The following ATP2A2 variants were observed in gnomAD, a reference collection of about 807,000 sequenced individuals.
The protein encoded by ATP2A2 is sarcoplasmic/endoplasmic reticulum calcium ATPase 2.
In ATP2A2, 14 loss-of-function variants were observed where a neutral mutation model predicts 109.3. That is an observed-to-expected ratio of 0.13 (90% CI 0.08 to 0.20). ATP2A2 has a LOEUF of 0.20. Ranked by LOEUF, ATP2A2 falls within the 10% of genes least tolerant of loss-of-function variation. The pLI, the probability that ATP2A2 is intolerant of heterozygous loss-of-function variation, is 1.00. For synonymous variants in ATP2A2, 506 were observed against 490.9 expected (o/e 1.03, Z -0.41); for missense variants, 657 against 1,321.6 (o/e 0.50, Z 7.80).
At chr12:110,291,395 G>A (rs1411448332) in intron 3 of ATP2A2, among the ~76,000 whole-genome samples, 2 of 148,588 alleles carry the variant, frequency 1.3e-5, no homozygotes. Flanking sequence ...TAGTAGAGAC[G>A]GGGTTTCGCC....
chr12:110,335,373 C>T (rs1878745326), intron 11 of ATP2A2, among the ~76,000 whole-genome samples: 1 of 152,208 alleles, frequency 6.6e-6, no homozygotes, highest in African/African-American at 2.4e-5. Context: ...AGCTTAAGAA[C>T]TTGAAGTGGA....
At chr12:110,337,466 AAC>A (rs2137844557) in intron 11 of ATP2A2, among the ~76,000 whole-genome samples, 1 of 152,304 alleles carries the variant, frequency 6.6e-6, no homozygotes, top group African/African-American at 2.4e-5. Context: ...ATTGAAACTA[AAC>A]ACACGTGTGA....
intron 5 of ATP2A2, among the ~76,000 whole-genome samples, chr12:110,307,370 T>C (rs1875475299): frequency 6.6e-6 from 1 of 151,988 alleles, no homozygotes; most frequent in Non-Finnish European, 1.5e-5. Context: ...TAGCTGGGAC[T>C]GTAGGCACAC....
intron 16 of ATP2A2, among the ~76,000 whole-genome samples, chr12:110,343,844 A>G (rs1334371490): frequency 2.6e-5 from 4 of 152,178 alleles, no homozygotes; most frequent in East Asian, 1.9e-4. Flanking sequence ...TCCCTTTTAT[A>G]TATAAATCAT....
intron 3 of ATP2A2, among the ~76,000 whole-genome samples, chr12:110,289,126 G>A (rs186710142): frequency 3.9e-4 from 60 of 152,290 alleles, no homozygotes; most frequent in Admixed American, 1.8e-3. Context: ...GCTATCAGGG[G>A]ATGTTGCTTT....
intron 4 of ATP2A2, among the ~76,000 whole-genome samples, chr12:110,293,155 G>T (rs1295023540): frequency 2.0e-5 from 3 of 151,998 alleles, no homozygotes; most frequent in African/African-American, 7.2e-5. Flanking sequence ...TCGGCTCACT[G>T]CAACCTCCGC....
In ATP2A2 at chr12:110,347,043, CA is replaced by C; in HGVS notation, c.*574del. On this transcript the variant is annotated 3_prime_UTR_variant, in exon 20 of 20. Coordinates refer to ENST00000539276, the MANE Select transcript of ATP2A2 (RefSeq NM_170665.4). ...CACCCCACCCCACCCCACCTCTCCC[CA>C]CCTTACCCCCGCCCCGCTTGGCTTC... 1 of 1,078,480 alleles carries C rather than the reference CA, an allele frequency of 9.3e-7. No individual in the cohort carries two copies. 66.8% of individuals were successfully genotyped at this position (1,078,480 alleles called of 1,614,324 possible).
Position 110,292,095 on chromosome 12 carries a change from G to C in ATP2A2, c.295G>C (p.Val99Leu). The C allele has an allele frequency of 6.2e-7, 1 of 1,614,154 alleles. No homozygotes were observed. Among genetic ancestry groups the C allele is most frequent in the Non-Finnish European group, 8.5e-7 (1 of 1,180,022 alleles). The change falls in exon 4 of 20, where the codon GTA (valine) becomes CTA (leucine). Residue 99 changes from valine to leucine, a missense_variant. By Grantham distance (32) the Val-to-Leu change is conservative (BLOSUM62 1). Coordinates refer to ENST00000539276, the MANE Select transcript of ATP2A2 (RefSeq NM_170665.4). ...VEPFVILLIL[V>L]ANAIVGVWQE... is the part of the protein sequence containing the mutation. The stretch of plus-strand genomic sequence containing the variant: ...ACCTTTTGTAATTTTACTCATATTA[G>C]TAGCCAATGCAATTGTGGGTGTATG...
intron 1 of ATP2A2, among the ~76,000 whole-genome samples, 200 bp from the exon 2 acceptor site, chr12:110,282,404 A>G (rs998018015): frequency 5.9e-5 from 9 of 152,198 alleles, no homozygotes; most frequent in African/African-American, 1.4e-4. Flanking sequence ...CAAAGAGTGC[A>G]TGCTTCCTTG....
At chr12:110,317,781 G>A (rs962630402) in intron 5 of ATP2A2, among the ~76,000 whole-genome samples, 6 of 152,140 alleles carry the variant, frequency 3.9e-5, no homozygotes, top group African/African-American at 1.2e-4. Context: ...GTTCTAAAAC[G>A]TGGCAAACTG....
chr12:110,298,987 G>A (rs551712542), intron 5 of ATP2A2, among the ~76,000 whole-genome samples: 1 of 152,168 alleles, frequency 6.6e-6, no homozygotes, highest in East Asian at 1.9e-4. Context: ...TTGATGAGGG[G>A]AAGACAGGGT....
At chr12:110,323,472 A>G (rs1877453861) in intron 6 of ATP2A2, among the ~76,000 whole-genome samples, 1 of 152,180 alleles carries the variant, frequency 6.6e-6, no homozygotes, top group Non-Finnish European at 1.5e-5. Context: ...GGCGTGAACC[A>G]CTGCACCTGG....
At chr12:110,307,911 T>C (rs973978066) in intron 5 of ATP2A2, among the ~76,000 whole-genome samples, 2 of 152,252 alleles carry the variant, frequency 1.3e-5, no homozygotes, top group Non-Finnish European at 2.9e-5. Context: ...TCATAAATTC[T>C]TTGCTTAGGG....
chr12:110,346,489 G>GA lies in ATP2A2; in HGVS notation c.*21dup, dbSNP rs1368173362. 6.2e-7 allele frequency: 1 copy of GA among 1,614,072 alleles called. No homozygotes were observed. Among genetic ancestry groups the GA allele is most frequent in the Non-Finnish European group, 8.5e-7 (1 of 1,179,974 alleles). ...GTCTTGACTGACAGTTTTCCATAAA[G>GA]AAGATGTTTAACTTAATCAATTAAT... is the stretch of plus-strand genomic sequence containing the variant. On this transcript the variant is annotated 3_prime_UTR_variant, in exon 20 of 20. Coordinates refer to ENST00000539276, the MANE Select transcript of ATP2A2 (RefSeq NM_170665.4).
At chr12:110,316,907 G>A (rs1233856541) in intron 5 of ATP2A2, among the ~76,000 whole-genome samples, 1 of 152,216 alleles carries the variant, frequency 6.6e-6, no homozygotes, top group Non-Finnish European at 1.5e-5. Context: ...ATAAGCCCGG[G>A]TTGGGATGCC....
rs142303559 is a variant in ATP2A2, at chr12:110,336,564, C to T, written c.1419+2421C>T. On this transcript the variant is annotated intron_variant, in intron 11 of 19. Transcript: ENST00000539276. ...ACACAAAATCTCAGGGTGAAAAGTT[C>T]TAGACCATCATGTCCAGCCTGCAGT... Among the ~76,000 whole-genome samples the T allele has an allele frequency of 2.0e-5, 3 of 152,256 alleles. No individual in the cohort carries two copies. In the East Asian group the frequency reaches 5.8e-4, roughly 29 times the overall value.
Position 110,281,318 on chromosome 12 carries a change from G to A in ATP2A2, c.-472G>A, listed in dbSNP as rs554275855. 6.6e-6 allele frequency: 1 copy of A among 151,876 alleles called. No homozygotes were observed. The highest frequency in any genetic ancestry group is 1.5e-5 in the Non-Finnish European group (1 of 67,950). 9.4% of individuals were successfully genotyped at this position (151,876 alleles called of 1,614,324 possible). A position where few individuals can be genotyped will look rare whatever the true frequency, so the allele number is the denominator to read the frequency against. On this transcript the variant is annotated 5_prime_UTR_variant, in exon 1 of 20. Transcript: ENST00000539276. ...CTTCGCCGCAGTTTCCTCCGCCGCT[G>A]TCGGGCGTGCGGCGCTGAGGGACCC...
rs1464722927 is a variant in ATP2A2 at position 110,323,085 on chromosome 12, T to C, written c.544+13T>C. ...TCAATTCTCACAGGTAAATATGATA[T>C]ATTAAGTCATTGAATTTCTGAAGAC... On this transcript the variant is annotated intron_variant, in intron 6 of 19. Coordinates refer to ENST00000539276, the MANE Select transcript of ATP2A2 (RefSeq NM_170665.4). 1.3e-6 allele frequency: 2 copies of C among 1,584,448 alleles called. No individual in the cohort carries two copies. The highest frequency in any genetic ancestry group is 1.7e-6 in the Non-Finnish European group (2 of 1,153,070).
intron 16 of ATP2A2, among the ~76,000 whole-genome samples, chr12:110,344,159 G>A (rs1316424577): frequency 2.0e-5 from 3 of 152,042 alleles, no homozygotes; most frequent in Admixed American, 6.6e-5. Context: ...TTCCATATCC[G>A]GACATGCGTA....
Sources: allele counts gnomAD v4.1 joint callset (sites outside exome capture counted in the v4.1 genomes callset), GRCh38; gene constraint gnomAD v4.1.1; transcripts MANE v1.5; gene names NCBI Gene and HGNC (gene_info 2026-07-23, HGNC 2026-07-21).